PMAIP1: variants seen among roughly 807,000 people sequenced by gnomAD.
PMAIP1 encodes the protein PMA-induced protein 1.
Under a neutral mutation model 3.7 loss-of-function variants are expected in PMAIP1, and 3 were observed. That is an observed-to-expected ratio of 0.82 (90% CI 0.37 to 2.12). The LOEUF is 2.12. PMAIP1 is among the 30% of genes most tolerant of loss of function. The pLI is 0.06. For missense variants in PMAIP1, 77 were observed against 67.1 expected, an observed-to-expected ratio of 1.15 and a Z score of -0.52; for synonymous variants, 29 against 26.2, an observed-to-expected ratio of 1.11 and a Z score of -0.32.
intron 1 of PMAIP1, 75 bp downstream of exon 1, chr18:59,900,310 G>GAA: frequency 6.6e-7 from 1 of 1,514,636 alleles, no homozygotes; most frequent in Admixed American, 2.1e-5. Flanking sequence ...CGGCTGGGGC[G>GAA]GGCTCAGCTC....
At chr18:59,900,396 C>G (rs2055753394) in intron 1 of PMAIP1, 161 bp downstream of exon 1, 1 of 1,549,352 alleles carries the variant, frequency 6.5e-7, no homozygotes. Flanking sequence ...CTTAGGGGCG[C>G]CTCCAGAAAG....
rs187553231 is a variant in PMAIP1 at position 59,900,023 on chromosome 18, A to G, written c.-155A>G. On this transcript the variant is annotated 5_prime_UTR_variant, in exon 1 of 2. Transcript: ENST00000316660. ...AGTTTCCCGGGCACTCACCGTGTGT[A>G]GTTGGCATCTCCGCGCGTCCGGACA... 5 of 648,914 alleles carry G rather than the reference A, an allele frequency of 7.7e-6. No homozygotes were observed. The highest frequency in any genetic ancestry group is 1.2e-5 in the Non-Finnish European group (5 of 403,074). 40.2% of individuals were successfully genotyped at this position (648,914 alleles called of 1,614,324 possible). A position where few individuals can be genotyped will look rare whatever the true frequency, so the allele number is the denominator to read the frequency against.
At chr18:59,900,525 T>C in intron 1 of PMAIP1, 1 of 1,550,358 alleles carries the variant, frequency 6.5e-7, no homozygotes, top group Non-Finnish European at 8.7e-7. Flanking sequence ...TTTCCTCCTC[T>C]CTTTCCTCCT....
chr18:59,901,609 C>CTTTGA (rs1255853312), intron 1 of PMAIP1, among the ~76,000 whole-genome samples: 1 of 152,094 alleles, frequency 6.6e-6, no homozygotes, highest in East Asian at 1.9e-4. Context: ...ATATTGACAG[C>CTTTGA]TTTGATTTAT....
At chr18:59,901,864 A>C (rs2143561866) in intron 1 of PMAIP1, among the ~76,000 whole-genome samples, 1 of 152,356 alleles carries the variant, frequency 6.6e-6, no homozygotes, top group Non-Finnish European at 1.5e-5. Flanking sequence ...TTTTCTTAAT[A>C]TTCAGTTAGA....
intron 1 of PMAIP1, among the ~76,000 whole-genome samples, chr18:59,900,985 A>G (rs2055763758): frequency 6.6e-6 from 1 of 152,188 alleles, no homozygotes; most frequent in South Asian, 2.1e-4. Flanking sequence ...TTCATTTTAT[A>G]GAGCTCCTGG....
chr18:59,902,684 T>C lies in PMAIP1; in HGVS notation c.96T>C (p.Phe32=), dbSNP rs1314135472. The change falls in exon 2 of 2, where the codon TTT becomes TTC. Residue 32 remains phenylalanine (F), a synonymous_variant. Coordinates refer to ENST00000316660, the MANE Select transcript of PMAIP1 (RefSeq NM_021127.3). The stretch of plus-strand genomic sequence containing the variant: ...AGTGTGCTACTCAACTCAGGAGATT[T>C]GGAGACAAACTGAACTTCCGGCAGA... The part of the protein sequence containing the change: ...EVECATQLRR[F]GDKLNFRQKL... 2 of 1,614,230 alleles carry C rather than the reference T, an allele frequency of 1.2e-6. No homozygotes were observed.
rs1253637363 is a variant in PMAIP1, at chr18:59,903,059, C to G, written c.*306C>G. On this transcript the variant is annotated 3_prime_UTR_variant, in exon 2 of 2. Transcript: ENST00000316660. ...TTTCTTTTTTACTTAGAGAATCGTT[C>G]TAGTGTTTTTGCCGAAGATTACCGC... 1.7e-6 allele frequency: 1 copy of G among 587,426 alleles called. No individual in the cohort carries two copies. The highest frequency in any genetic ancestry group is 2.8e-5 in the East Asian group (1 of 35,278). The allele number at this position is 587,426 out of a possible 1,614,324, so 36.4% of individuals were successfully genotyped here.
In PMAIP1 at chr18:59,903,556, T is replaced by G. The variant is rs1476260081; in HGVS notation, c.*803T>G. ...ATAAAAAGAAAAAAGAAGTTAATTT[T>G]TAATTGATGTTTTTGAAACTTAGTA... On this transcript the variant is annotated 3_prime_UTR_variant, in exon 2 of 2. Transcript: ENST00000316660. The G allele has an allele frequency of 6.6e-6, 1 of 152,210 alleles. No individual in the cohort carries two copies. The highest frequency in any genetic ancestry group is 1.5e-5 in the Non-Finnish European group (1 of 68,026). 9.4% of individuals were successfully genotyped at this position (152,210 alleles called of 1,614,324 possible).
intron 1 of PMAIP1, 75 bp downstream of exon 1, chr18:59,900,310 G>C (rs1351281109): frequency 7.9e-6 from 12 of 1,514,518 alleles, no homozygotes; most frequent in Non-Finnish European, 9.7e-6. Flanking sequence ...CGGCTGGGGC[G>C]GGCTCAGCTC....
At position 59,900,231 on chromosome 18, in the gene PMAIP1, A is replaced by C. The variant is rs767355006; in HGVS notation, c.54A>C (p.Pro18=). 6.5e-5 allele frequency: 100 copies of C among 1,549,364 alleles called. No homozygotes were observed. The highest frequency in any genetic ancestry group is 1.8e-4 in the Middle Eastern group (1 of 5,542). The change falls in exon 1 of 2, where the codon CCA becomes CCC. Residue 18 remains proline (P), a synonymous_variant. Transcript: ENST00000316660. ...KNAQPSPARA[P]AELEVECATQ... ...CTCAACCGAGCCCCGCGCGGGCTCC[A>C]GCAGGTACCGACCCGCTGGGGCCAG...
Position 59,900,076 on chromosome 18 carries a change from AC to A in PMAIP1, c.-101del. 1 of 1,290,086 alleles carries A rather than the reference AC, an allele frequency of 7.8e-7. No individual in the cohort carries two copies. Among genetic ancestry groups the A allele is most frequent in the Non-Finnish European group, 1.1e-6 (1 of 933,730 alleles). 79.9% of individuals were successfully genotyped at this position (1,290,086 alleles called of 1,614,324 possible). On this transcript the variant is annotated 5_prime_UTR_variant, in exon 1 of 2. The change creates a new upstream start codon in the 5' untranslated region. Coordinates refer to ENST00000316660, the MANE Select transcript of PMAIP1 (RefSeq NM_021127.3). Reference sequence around the variant, plus strand: ...CGATCCCAGCATCCCTGCCTGCAGGACTGTTCGTGTTCAGCTCGCGTCCTGC... The same window carrying A: ...CGATCCCAGCATCCCTGCCTGCAGGATGTTCGTGTTCAGCTCGCGTCCTGC...
At chr18:59,900,304 T>C in intron 1 of PMAIP1, 69 bp downstream of exon 1, 5 of 1,517,082 alleles carry the variant, frequency 3.3e-6, no homozygotes, top group Non-Finnish European at 4.4e-6. Context: ...AGGTCTCGGC[T>C]GGGGCGGGCT....
In PMAIP1 at chr18:59,900,162, G is replaced by A. The variant is rs1195764925; in HGVS notation, c.-16G>A. ...TCCCGGGCTCTGTAGCTGAGTGGGC[G>A]GCGGCACCGGCGGAGATGCCTGGGA... On this transcript the variant is annotated 5_prime_UTR_variant, in exon 1 of 2. Coordinates refer to ENST00000316660, the MANE Select transcript of PMAIP1 (RefSeq NM_021127.3). The A allele has an allele frequency of 3.2e-6, 5 of 1,556,190 alleles. No homozygotes were observed. Among genetic ancestry groups the A allele is most frequent in the South Asian group, 2.4e-5 (2 of 85,094 alleles).
Position 59,900,197 on chromosome 18 carries a change from G to T in PMAIP1, c.20G>T (p.Arg7Leu). 1 of 1,558,586 alleles carries T rather than the reference G, an allele frequency of 6.4e-7. No homozygotes were observed. The highest frequency in any genetic ancestry group is 8.7e-7 in the Non-Finnish European group (1 of 1,155,016). ...GCGGAGATGCCTGGGAAGAAGGCGC[G>T]CAAGAACGCTCAACCGAGCCCCGCG... is the stretch of plus-strand genomic sequence containing the variant. MPGKKARKNAQPSPARA... is the reference protein window; with the variant it reads MPGKKALKNAQPSPARA... Residue 7 changes from arginine to leucine, a missense_variant, in exon 1 of 2, where the codon CGC becomes CTC. Transcript: ENST00000316660.
At position 59,900,051 on chromosome 18, in the gene PMAIP1, C is replaced by G. The variant is rs947959384; in HGVS notation, c.-127C>G. The G allele has an allele frequency of 4.1e-5, 41 of 1,009,368 alleles. No homozygotes were observed. The highest frequency in any genetic ancestry group is 5.4e-5 in the Non-Finnish European group (39 of 721,180). The allele number at this position is 1,009,368 out of a possible 1,614,324, so 62.5% of individuals were successfully genotyped here. A position where few individuals can be genotyped will look rare whatever the true frequency, so the allele number is the denominator to read the frequency against. ...TGGCATCTCCGCGCGTCCGGACACC[C>G]GATCCCAGCATCCCTGCCTGCAGGA... On this transcript the variant is annotated 5_prime_UTR_variant, in exon 1 of 2. Coordinates refer to ENST00000316660, the MANE Select transcript of PMAIP1 (RefSeq NM_021127.3).
rs185902213 is a variant in PMAIP1, at chr18:59,903,644, C to T, written c.*891C>T. ...GTTTCTAAAGAAGTTTCTAAAGGTT[C>T]GGAAAATGCTCCTTGTCACATTAGT... On this transcript the variant is annotated 3_prime_UTR_variant, in exon 2 of 2. Coordinates refer to ENST00000316660, the MANE Select transcript of PMAIP1 (RefSeq NM_021127.3). The T allele has an allele frequency of 1.6e-4, 25 of 152,138 alleles. No homozygotes were observed. Among genetic ancestry groups the T allele is most frequent in the Admixed American group, 5.9e-4 (9 of 15,280 alleles). 9.4% of individuals were successfully genotyped at this position (152,138 alleles called of 1,614,324 possible).
intron 1 of PMAIP1, among the ~76,000 whole-genome samples, chr18:59,901,180 C>T (rs1156516811): frequency 1.3e-5 from 2 of 152,160 alleles, no homozygotes; most frequent in East Asian, 3.8e-4. Context: ...CGACTTAATT[C>T]CCAAGAACAG....
intron 1 of PMAIP1, among the ~76,000 whole-genome samples, chr18:59,900,878 A>G (rs2055761970): frequency 6.6e-6 from 1 of 152,052 alleles, no homozygotes; most frequent in African/African-American, 2.4e-5. Context: ...CTAAATCTAA[A>G]CAGAGAACCC....
Sources: allele counts gnomAD v4.1 joint callset (sites outside exome capture counted in the v4.1 genomes callset), GRCh38; gene constraint gnomAD v4.1.1; transcripts MANE v1.5; gene names NCBI Gene and HGNC (gene_info 2026-07-23, HGNC 2026-07-21).